Variants in C2orf49 observed in about 807,000 individuals in gnomAD.
The protein encoded by C2orf49 is tRNA splicing ligase complex subunit 2.
A neutral mutation model predicts 20.6 loss-of-function variants in C2orf49; 11 were observed. The observed-to-expected ratio is 0.53, with a 90% CI of 0.34 to 0.88. The LOEUF (loss-of-function observed/expected upper bound fraction) is 0.88, where lower values mean the gene tolerates loss of function less well. C2orf49 is among the 40% of genes least tolerant of loss of function. The pLI, the probability that C2orf49 is intolerant of heterozygous loss-of-function variation, is 0.02. For missense variants in C2orf49, 289 were observed against 274.2 expected, an observed-to-expected ratio of 1.05 and a Z score of -0.38; for synonymous variants, 134 against 108.5, an observed-to-expected ratio of 1.24 and a Z score of -1.46.
the C2orf49 span, among the ~76,000 whole-genome samples, chr2:105,363,842 A>G: frequency 6.6e-6 from 1 of 152,158 alleles, no homozygotes. Context: ...TTGAATCCTA[A>G]CCCTACTCCT....
At chr2:105,353,325 C>T (rs190591156), downstream of C2orf49, among the ~76,000 whole-genome samples, 9 of 152,194 alleles carry the variant, frequency 5.9e-5, no homozygotes, top group Non-Finnish European at 8.8e-5. Context: ...ACCCTCAGAA[C>T]GTAGTGAGTA....
At chr2:105,379,634 C>G in the C2orf49 span, among the ~76,000 whole-genome samples, 19 of 152,322 alleles carry the variant, frequency 1.2e-4, no homozygotes, top group Middle Eastern at 3.4e-3. Context: ...AAACTGTGCT[C>G]CTGTTTTTTA....
downstream of C2orf49, among the ~76,000 whole-genome samples, chr2:105,351,873 C>T (rs559516704): frequency 6.6e-6 from 1 of 152,308 alleles, no homozygotes; most frequent in South Asian, 2.1e-4. Flanking sequence ...ATATTAACCC[C>T]TATAGGTGTA....
the C2orf49 span, chr2:105,361,333 G>A: frequency 6.8e-6 from 11 of 1,614,120 alleles, no homozygotes; most frequent in Non-Finnish European, 9.3e-6. Flanking sequence ...CTCTCTGTGA[G>A]GAAGCCACGC....
At chr2:105,379,677 C>T in the C2orf49 span, among the ~76,000 whole-genome samples, 1 of 152,188 alleles carries the variant, frequency 6.6e-6, no homozygotes, top group Non-Finnish European at 1.5e-5. Flanking sequence ...AGATTGACCC[C>T]AACTCGCTTT....
the C2orf49 span, among the ~76,000 whole-genome samples, chr2:105,380,552 A>G: frequency 6.6e-6 from 1 of 152,288 alleles, no homozygotes; most frequent in East Asian, 1.9e-4. Flanking sequence ...CCAAACAGAA[A>G]AGCTCCAAAC....
At chr2:105,373,856 C>T in the C2orf49 span, 7 of 834,896 alleles carry the variant, frequency 8.4e-6, no homozygotes, top group Admixed American at 2.2e-5. Context: ...GGCACCCTGG[C>T]GCACCCACAT....
intron 2 of C2orf49, among the ~76,000 whole-genome samples, chr2:105,341,610 A>G (rs1679671583): frequency 6.6e-6 from 1 of 152,254 alleles, no homozygotes; most frequent in Admixed American, 6.5e-5. Context: ...GTGGGTATAC[A>G]GTGAGCTTAC....
chr2:105,350,578 T>TAA, downstream of C2orf49, among the ~76,000 whole-genome samples: 1 of 152,238 alleles, frequency 6.6e-6, no homozygotes, highest in South Asian at 2.1e-4. Context: ...TTCAGGTAAA[T>TAA]AGTTTAAACT....
At chr2:105,345,201 G>A in intron 3 of C2orf49, 114 bp from the exon 4 acceptor site, 1 of 852,952 alleles carries the variant, frequency 1.2e-6, no homozygotes, top group Admixed American at 2.6e-5. Context: ...CCAGATGGCA[G>A]CAGTGATCTT....
At chr2:105,370,853 AG>A in the C2orf49 span, among the ~76,000 whole-genome samples, 2 of 152,280 alleles carry the variant, frequency 1.3e-5, no homozygotes, top group South Asian at 4.2e-4. Context: ...CATCCAACCC[AG>A]GGAACACCGA....
At chr2:105,362,993 C>T in the C2orf49 span, 1 of 358,164 alleles carries the variant, frequency 2.8e-6, no homozygotes, top group Non-Finnish European at 5.1e-6. Context: ...TTTGTGATGT[C>T]ACAGGCTCAC....
chr2:105,341,570 C>G (rs566339645), intron 2 of C2orf49, among the ~76,000 whole-genome samples: 35 of 152,344 alleles, frequency 2.3e-4, no homozygotes, highest in South Asian at 1.0e-3. Context: ...AAACCCTGCT[C>G]TCAGTCCCTG....
At chr2:105,373,747 C>T in the C2orf49 span, 6 of 1,613,174 alleles carry the variant, frequency 3.7e-6, no homozygotes, top group Middle Eastern at 1.8e-4. Context: ...TGGGGCCAGA[C>T]CACACAAGAC....
the C2orf49 span, among the ~76,000 whole-genome samples, chr2:105,356,997 C>T: frequency 9.2e-5 from 14 of 152,092 alleles, no homozygotes; most frequent in African/African-American, 2.2e-4. Context: ...AGTGCAGTGG[C>T]TGTTCACAGG....
At chr2:105,357,516 C>A in the C2orf49 span, among the ~76,000 whole-genome samples, 1 of 152,176 alleles carries the variant, frequency 6.6e-6, no homozygotes, top group African/African-American at 2.4e-5. Context: ...CATGGATGCT[C>A]AAGTCTCATA....
intron 1 of C2orf49, among the ~76,000 whole-genome samples, chr2:105,338,996 G>T (rs993853248): frequency 6.6e-6 from 1 of 152,264 alleles, no homozygotes; most frequent in African/African-American, 2.4e-5. Context: ...TTACTTGAAA[G>T]GACCAGTGAA....
At chr2:105,380,274 A>G in the C2orf49 span, among the ~76,000 whole-genome samples, 2 of 152,172 alleles carry the variant, frequency 1.3e-5, no homozygotes, top group African/African-American at 4.8e-5. Context: ...CGAGATTGTC[A>G]TTGATTAGAC....
intron 3 of C2orf49, among the ~76,000 whole-genome samples, chr2:105,344,070 T>C (rs1477047290): frequency 6.6e-6 from 1 of 152,184 alleles, no homozygotes; most frequent in Non-Finnish European, 1.5e-5. Context: ...TTACTTTTAT[T>C]AGTTCATTGA....
Sources: allele counts gnomAD v4.1 joint callset (sites outside exome capture counted in the v4.1 genomes callset), GRCh38; gene constraint gnomAD v4.1.1; transcripts MANE v1.5; gene names NCBI Gene and HGNC (gene_info 2026-07-23, HGNC 2026-07-21).